The following SCFD2 variants were observed in gnomAD, a reference collection of about 807,000 sequenced individuals.
The protein encoded by SCFD2 is sec1 family domain containing 2, also known as sec1 family domain-containing protein 2.
A neutral mutation model predicts 58.9 loss-of-function variants in SCFD2; 54 were observed. The observed-to-expected ratio is 0.92, with a 90% CI of 0.74 to 1.15. The LOEUF is 1.15. SCFD2 is among the 50% of genes most tolerant of loss of function. The probability of loss-of-function intolerance (pLI) is 0.00; values close to 1 mark genes in which losing one functional copy is unlikely to be tolerated. For missense variants in SCFD2, 805 were observed against 836.6 expected, an observed-to-expected ratio of 0.96 and a Z score of 0.47; for synonymous variants, 321 against 335.9, an observed-to-expected ratio of 0.96 and a Z score of 0.49.
chr4:53,244,881 G>C (rs1194274943), intron 4 of SCFD2, among the ~76,000 whole-genome samples: 1 of 148,094 alleles, frequency 6.8e-6, no homozygotes, highest in African/African-American at 2.5e-5. Flanking sequence ...AAGAAAAAAA[G>C]AGAGAAGATT....
At chr4:53,121,982 A>C (rs1343237751) in intron 5 of SCFD2, among the ~76,000 whole-genome samples, 1 of 152,072 alleles carries the variant, frequency 6.6e-6, no homozygotes, top group Non-Finnish European at 1.5e-5. Context: ...AGCTGCCATC[A>C]TCACATCACA....
chr4:53,050,758 G>C (rs915773953), intron 5 of SCFD2, among the ~76,000 whole-genome samples: 1 of 152,022 alleles, frequency 6.6e-6, no homozygotes, highest in African/African-American at 2.4e-5. Context: ...GTTTTATTTC[G>C]ATGGCCCTCC....
chr4:52,908,970 C>T (rs1222260503), intron 6 of SCFD2, among the ~76,000 whole-genome samples: 4 of 152,102 alleles, frequency 2.6e-5, no homozygotes, highest in Non-Finnish European at 4.4e-5. Flanking sequence ...ATGGATCCAC[C>T]TTGCTCATAA....
intron 7 of SCFD2, 137 bp downstream of exon 7, chr4:52,907,320 G>T: frequency 1.3e-6 from 1 of 793,370 alleles, no homozygotes; most frequent in Non-Finnish European, 2.1e-6. Flanking sequence ...GATAAAGATT[G>T]CCCTTGATTT....
chr4:52,883,923 C>G (rs564414160), intron 8 of SCFD2, among the ~76,000 whole-genome samples: 2 of 152,186 alleles, frequency 1.3e-5, no homozygotes, highest in Non-Finnish European at 2.9e-5. Flanking sequence ...TGCTGTAGCT[C>G]TCTAGGTACC....
intron 5 of SCFD2, among the ~76,000 whole-genome samples, chr4:53,001,535 G>A (rs1175743748): frequency 6.6e-6 from 1 of 152,164 alleles, no homozygotes; most frequent in Admixed American, 6.5e-5. Flanking sequence ...TGGCGACAAT[G>A]CTTAGCTTTA....
intron 5 of SCFD2, among the ~76,000 whole-genome samples, chr4:52,983,929 G>T (rs552895974): frequency 6.6e-6 from 1 of 152,188 alleles, no homozygotes; most frequent in Non-Finnish European, 1.5e-5. Context: ...CTATCCTGGA[G>T]AATTTAGGCT....
intron 7 of SCFD2, among the ~76,000 whole-genome samples, chr4:52,896,168 G>T (rs374328573): frequency 1.3e-4 from 20 of 151,822 alleles, no homozygotes; most frequent in South Asian, 1.0e-3. Flanking sequence ...TTAGTTTAAT[G>T]AGATCCCATT....
chr4:53,083,813 C>T (rs527640404), intron 5 of SCFD2, among the ~76,000 whole-genome samples: 4 of 151,944 alleles, frequency 2.6e-5, no homozygotes, highest in Non-Finnish European at 4.4e-5. Context: ...GGGGAGGGGG[C>T]GTAAGAACAG....
At chr4:53,311,072 A>T (rs992832732) in intron 3 of SCFD2, among the ~76,000 whole-genome samples, 2 of 152,216 alleles carry the variant, frequency 1.3e-5, no homozygotes, top group African/African-American at 4.8e-5. Flanking sequence ...TATTATGTTT[A>T]CAAGTTCCAG....
chr4:53,357,939 A>G (rs1006454806), intron 1 of SCFD2, among the ~76,000 whole-genome samples: 1 of 152,190 alleles, frequency 6.6e-6, no homozygotes, highest in African/African-American at 2.4e-5. Flanking sequence ...GCCACTTAAC[A>G]CATGTGTAAT....
chr4:53,053,313 A>C (rs979404232), intron 5 of SCFD2, among the ~76,000 whole-genome samples: 13 of 152,126 alleles, frequency 8.5e-5, no homozygotes, highest in African/African-American at 3.1e-4. Flanking sequence ...AGGAGGTACA[A>C]GAGAGCTGCT....
chr4:52,916,406 C>G (rs1029810660), intron 6 of SCFD2, among the ~76,000 whole-genome samples: 1 of 152,194 alleles, frequency 6.6e-6, no homozygotes, highest in Non-Finnish European at 1.5e-5. Context: ...CCTGTCTCTA[C>G]TAAAAATACA....
At chr4:53,165,511 A>T (rs763279094) in intron 4 of SCFD2, among the ~76,000 whole-genome samples, 2 of 152,066 alleles carry the variant, frequency 1.3e-5, no homozygotes, top group Non-Finnish European at 2.9e-5. Flanking sequence ...ACCCTACATG[A>T]CCAGCTTTGC....
At chr4:53,045,237 A>T (rs1723010000) in intron 5 of SCFD2, among the ~76,000 whole-genome samples, 1 of 152,142 alleles carries the variant, frequency 6.6e-6, no homozygotes, top group African/African-American at 2.4e-5. Flanking sequence ...TTTTGATTGC[A>T]TACACTCTAC....
intron 5 of SCFD2, among the ~76,000 whole-genome samples, chr4:53,106,663 G>A (rs1463794486): frequency 1.3e-5 from 2 of 152,134 alleles, no homozygotes; most frequent in African/African-American, 4.8e-5. Context: ...GAAAAGATTA[G>A]AGAAAAGAGA....
chr4:53,255,395 T>C (rs951916576), intron 4 of SCFD2, among the ~76,000 whole-genome samples: 27 of 151,976 alleles, frequency 1.8e-4, no homozygotes, highest in African/African-American at 5.3e-4. Context: ...GTACTTAAGA[T>C]TGGGGAGTGG....
chr4:53,267,846 C>A (rs536869223), intron 4 of SCFD2, among the ~76,000 whole-genome samples: 1 of 152,106 alleles, frequency 6.6e-6, no homozygotes, highest in South Asian at 2.1e-4. Context: ...ACAAAAGATT[C>A]CAAAAATTAA....
intron 5 of SCFD2, among the ~76,000 whole-genome samples, chr4:53,116,119 C>T (rs764426350): frequency 6.6e-6 from 1 of 152,106 alleles, no homozygotes; most frequent in African/African-American, 2.4e-5. Context: ...AATACTAGGA[C>T]ACTTTTTTGA....
Sources: allele counts gnomAD v4.1 joint callset (sites outside exome capture counted in the v4.1 genomes callset), GRCh38; gene constraint gnomAD v4.1.1; transcripts MANE v1.5; gene names NCBI Gene and HGNC (gene_info 2026-07-23, HGNC 2026-07-21).